The following ZDHHC14 variants were observed in gnomAD, a reference collection of about 807,000 sequenced individuals.
The protein encoded by ZDHHC14 is palmitoyltransferase ZDHHC14.
In ZDHHC14, 16 loss-of-function variants were observed where a neutral mutation model predicts 47.7. That is an observed-to-expected ratio of 0.34 (90% CI 0.23 to 0.51). The LOEUF (loss-of-function observed/expected upper bound fraction) is 0.51. ZDHHC14 is among the 20% of genes least tolerant of loss of function. The probability of loss-of-function intolerance (pLI) is 0.97; values close to 1 mark genes in which losing one functional copy is unlikely to be tolerated. For missense variants in ZDHHC14, 515 were observed against 662.5 expected (o/e 0.78, Z 2.44); for synonymous variants, 293 against 278.9 (o/e 1.05, Z -0.50).
At chr6:157,532,604 T>A (rs1288546410) in intron 1 of ZDHHC14, among the ~76,000 whole-genome samples, 2 of 152,204 alleles carry the variant, frequency 1.3e-5, no homozygotes, top group Non-Finnish European at 2.9e-5. Flanking sequence ...ATACCCAGTT[T>A]AAGACAGAAA....
chr6:157,674,277 CGT>C lies in ZDHHC14; in HGVS notation c.*1158_*1159del, dbSNP rs993834994. On this transcript the variant is annotated 3_prime_UTR_variant, in exon 9 of 9. Coordinates refer to ENST00000359775, the MANE Select transcript of ZDHHC14 (RefSeq NM_024630.3). ...TCTTCTGGGCTTCCTTCTGTGTTAA[CGT>C]GTCACTCAATCCCAGAAGTGCAACT... The C allele has an allele frequency of 6.6e-6, 1 of 152,124 alleles. No individual in the cohort carries two copies. The highest frequency in any genetic ancestry group is 2.4e-5 in the African/African-American group (1 of 41,406). The allele number at this position is 152,124 out of a possible 1,614,324, so 9.4% of individuals were successfully genotyped here. A position where few individuals can be genotyped will look rare whatever the true frequency, so the allele number is the denominator to read the frequency against.
chr6:157,633,398 A>G (rs1207481215), intron 5 of ZDHHC14, among the ~76,000 whole-genome samples: 2 of 147,844 alleles, frequency 1.4e-5, no homozygotes, highest in Admixed American at 1.4e-4. Flanking sequence ...GTCAGTCTCA[A>G]GTCATTTGGA....
At chr6:157,499,371 G>A (rs142866780) in intron 1 of ZDHHC14, among the ~76,000 whole-genome samples, 6 of 151,994 alleles carry the variant, frequency 3.9e-5, no homozygotes, top group South Asian at 2.1e-4. Flanking sequence ...TTGTGTCCTC[G>A]TGTGGCTGAG....
At chr6:157,415,858 A>G (rs1777963033) in intron 1 of ZDHHC14, among the ~76,000 whole-genome samples, 2 of 151,626 alleles carry the variant, frequency 1.3e-5, no homozygotes, top group African/African-American at 4.9e-5. Context: ...TGGGTGACAG[A>G]GTAAGACTTT....
chr6:157,473,972 T>C (rs995776089), intron 1 of ZDHHC14, among the ~76,000 whole-genome samples: 2 of 150,364 alleles, frequency 1.3e-5, no homozygotes, highest in Admixed American at 6.7e-5. Context: ...ATTCAACCTA[T>C]ACCATATTTT....
chr6:157,600,610 T>C (rs1784302260), intron 3 of ZDHHC14, among the ~76,000 whole-genome samples: 1 of 152,178 alleles, frequency 6.6e-6, no homozygotes, highest in Non-Finnish European at 1.5e-5. Flanking sequence ...TTCATTATGT[T>C]GGCCAGGCTG....
chr6:157,530,898 A>C (rs1344580283), intron 1 of ZDHHC14, among the ~76,000 whole-genome samples: 4 of 137,610 alleles, frequency 2.9e-5, no homozygotes, highest in Non-Finnish European at 6.0e-5. Flanking sequence ...CGGATATGTT[A>C]AAAAAAAAAT....
intron 1 of ZDHHC14, among the ~76,000 whole-genome samples, chr6:157,392,418 T>C (rs1334264252): frequency 6.6e-6 from 1 of 152,214 alleles, no homozygotes. Context: ...TCTTCTCTGA[T>C]CTCATACCTA....
chr6:157,548,023 G>A (rs1238626281), intron 2 of ZDHHC14, among the ~76,000 whole-genome samples: 1 of 151,400 alleles, frequency 6.6e-6, no homozygotes, highest in African/African-American at 2.4e-5. Context: ...TGGTTGATCT[G>A]TGATTGAATC....
chr6:157,579,432 C>A, intron 2 of ZDHHC14, among the ~76,000 whole-genome samples: 1 of 151,818 alleles, frequency 6.6e-6, no homozygotes, highest in South Asian at 2.1e-4. Flanking sequence ...CTGCTGACCT[C>A]GTGATCCGCC....
chr6:157,537,064 C>T (rs543248527), intron 1 of ZDHHC14, among the ~76,000 whole-genome samples: 3 of 55,888 alleles, frequency 5.4e-5, no homozygotes, highest in East Asian at 5.0e-4. Context: ...GTGATCCGCC[C>T]GCCTCGGCCT....
chr6:157,672,056 A>G (rs1022854566), intron 8 of ZDHHC14, among the ~76,000 whole-genome samples: 1 of 151,950 alleles, frequency 6.6e-6, no homozygotes, highest in African/African-American at 2.4e-5. Context: ...TAAGAACATG[A>G]CCCTCCAGGG....
At chr6:157,616,715 C>T (rs994670954) in intron 3 of ZDHHC14, among the ~76,000 whole-genome samples, 2 of 152,144 alleles carry the variant, frequency 1.3e-5, no homozygotes, top group South Asian at 2.1e-4. Flanking sequence ...ACAGATACTT[C>T]GGGGGGATCA....
intron 1 of ZDHHC14, among the ~76,000 whole-genome samples, chr6:157,389,000 T>C (rs1777370591): frequency 6.6e-6 from 1 of 152,168 alleles, no homozygotes; most frequent in South Asian, 2.1e-4. Flanking sequence ...CGTTGTTTAG[T>C]TTGGTTTATT....
chr6:157,522,962 T>C (rs372501811), intron 1 of ZDHHC14, among the ~76,000 whole-genome samples: 6,684 of 24,270 alleles, frequency 0.28, 735 homozygotes, highest in Non-Finnish European at 0.35. Context: ...TCCTTCCTTC[T>C]TTCTTTTCTT....
chr6:157,460,608 A>G (rs1779055788), intron 1 of ZDHHC14, among the ~76,000 whole-genome samples: 2 of 152,168 alleles, frequency 1.3e-5, no homozygotes, highest in African/African-American at 4.8e-5. Flanking sequence ...AGATGACCTC[A>G]AATCCAATTT....
rs753756887 is a variant in ZDHHC14, at chr6:157,673,143, G to A, written c.*21G>A. 4.8e-5 allele frequency: 75 copies of A among 1,548,826 alleles called. No homozygotes were observed. Among genetic ancestry groups the A allele is most frequent in the Non-Finnish European group, 6.0e-5 (70 of 1,158,362 alleles). On this transcript the variant is annotated 3_prime_UTR_variant, in exon 9 of 9. Transcript: ENST00000359775. The surrounding 1 kb of genome is among the most constrained non-coding windows in gnomAD (Gnocchi z 5.4). ...TGTGACCCACATGGCCCCAGGCCGG[G>A]GGACACCAGAGGCTCCTCCATGGGC...
At chr6:157,491,907 C>A (rs1158395218) in intron 1 of ZDHHC14, among the ~76,000 whole-genome samples, 2 of 152,240 alleles carry the variant, frequency 1.3e-5, no homozygotes, top group African/African-American at 2.4e-5. Flanking sequence ...TGTCGAATTA[C>A]GTCTTGTGCG....
intron 2 of ZDHHC14, among the ~76,000 whole-genome samples, chr6:157,585,767 G>C (rs975725495): frequency 1.5e-4 from 23 of 152,224 alleles, no homozygotes; most frequent in Non-Finnish European, 3.2e-4. Flanking sequence ...CCTTTTTGGG[G>C]GTGCTACCTG....
Sources: gnomAD v4.1 joint callset for allele counts (sites outside exome capture counted in the v4.1 genomes callset) on GRCh38, gnomAD v4.1.1 for gene constraint, Gnocchi (gnomAD v3.1) non-coding constraint, MANE v1.5 for transcripts, NCBI Gene and HGNC (gene_info 2026-07-23, HGNC 2026-07-21) for gene names.